The following SDK2 variants were observed in gnomAD, a reference collection of about 807,000 sequenced individuals.
The protein encoded by SDK2 is sidekick cell adhesion molecule 2, also known as protein sidekick-2.
A neutral mutation model predicts 253.9 loss-of-function variants in SDK2; 105 were observed. The ratio of observed to expected loss-of-function variants is 0.41; its 90% CI spans 0.35 to 0.49. SDK2 has a LOEUF of 0.49. Among genes scored for constraint, SDK2 ranks in the 20% least tolerant of loss-of-function variants. The pLI is 0.06. For missense variants in SDK2, 2,608 were observed against 3,003.0 expected (o/e 0.87, Z 3.07); for synonymous variants, 1,249 against 1,234.9 (o/e 1.01, Z -0.24).
chr17:73,538,364 C>T (rs971054426), intron 1 of SDK2, among the ~76,000 whole-genome samples: 1 of 152,100 alleles, frequency 6.6e-6, no homozygotes, highest in African/African-American at 2.4e-5. Context: ...CTCCCCTTAC[C>T]AGCTTTCCCT....
rs2063519810 is a variant in SDK2, at chr17:73,455,538, C to A, written c.479+368G>T. Among the ~76,000 whole-genome samples, 1 of 152,218 alleles carries A rather than the reference C, an allele frequency of 6.6e-6. No individual in the cohort carries two copies. Among genetic ancestry groups the A allele is most frequent in the African/African-American group, 2.4e-5 (1 of 41,446 alleles). ...CCGGCTGCCCAGGAGACGCCAGCCT[C>A]TCCAAGGTCCCCCAGCGCCACTGGC... On this transcript the variant is annotated intron_variant, in intron 4 of 44. Transcript: ENST00000392650. This position sits in a 1 kb window ranked among gnomAD's most constrained non-coding sequence, Gnocchi z 5.0.
chr17:73,400,312 C>T (rs1480511227), intron 21 of SDK2, among the ~76,000 whole-genome samples: 1 of 152,226 alleles, frequency 6.6e-6, no homozygotes, highest in Non-Finnish European at 1.5e-5. Context: ...CCCCACCGTG[C>T]TCTGCCACCT....
chr17:73,593,474 G>A (rs900590665), intron 1 of SDK2, among the ~76,000 whole-genome samples: 1 of 152,184 alleles, frequency 6.6e-6, no homozygotes, highest in Non-Finnish European at 1.5e-5. Flanking sequence ...CATGCGCTCT[G>A]GGCCCTGGGG....
intron 10 of SDK2, among the ~76,000 whole-genome samples, chr17:73,433,484 A>G (rs554703498): frequency 4.6e-5 from 7 of 152,232 alleles, no homozygotes; most frequent in African/African-American, 1.4e-4. Flanking sequence ...ACCGGGTTTC[A>G]CCACTTTGGG....
intron 15 of SDK2, 90 bp from the exon 16 acceptor site, chr17:73,419,396 ACT>A (rs2063209705): frequency 2.8e-6 from 4 of 1,428,348 alleles, no homozygotes; most frequent in Non-Finnish European, 3.8e-6. Context: ...GCCTGCTCTG[ACT>A]CTGGATAATT....
intron 44 of SDK2, among the ~76,000 whole-genome samples, chr17:73,348,344 C>G (rs922430211): frequency 6.6e-6 from 1 of 152,196 alleles, no homozygotes; most frequent in Non-Finnish European, 1.5e-5. Flanking sequence ...GACCCCTGAA[C>G]GTAGAGAGGG....
intron 44 of SDK2, among the ~76,000 whole-genome samples, chr17:73,344,573 T>C (rs879675568): frequency 1.3e-5 from 2 of 152,232 alleles, no homozygotes; most frequent in African/African-American, 2.4e-5. Context: ...ATGGGGATAG[T>C]TTCACTTGCA....
chr17:73,469,940 C>A (rs1206640172), intron 3 of SDK2, among the ~76,000 whole-genome samples: 1 of 151,878 alleles, frequency 6.6e-6, no homozygotes, highest in African/African-American at 2.4e-5. Context: ...ACTCCCACCC[C>A]ACAGCCTGGA....
At chr17:73,472,892 C>T (rs1414487451) in intron 2 of SDK2, among the ~76,000 whole-genome samples, 1 of 152,168 alleles carries the variant, frequency 6.6e-6, no homozygotes, top group African/African-American at 2.4e-5. Context: ...CTCTCTTTGC[C>T]TTCTGCCATC....
At chr17:73,349,197 T>TGCTGGGCCTG (rs1259329340) in intron 43 of SDK2, among the ~76,000 whole-genome samples, 1 of 152,110 alleles carries the variant, frequency 6.6e-6, no homozygotes, top group Non-Finnish European at 1.5e-5. Context: ...GCTATGGCCA[T>TGCTGGGCCTG]GCTGGGCCTG....
At chr17:73,630,878 G>A (rs777882294) in intron 1 of SDK2, among the ~76,000 whole-genome samples, 2 of 151,572 alleles carry the variant, frequency 1.3e-5, no homozygotes, top group South Asian at 2.1e-4. Context: ...TCAGCACACC[G>A]CCCCTCCCTG....
intron 44 of SDK2, among the ~76,000 whole-genome samples, chr17:73,347,321 CTG>C (rs1447507840): frequency 6.6e-6 from 1 of 152,204 alleles, no homozygotes; most frequent in African/African-American, 2.4e-5. Flanking sequence ...GATTGCGCCA[CTG>C]CACTCCAGAG....
At position 73,423,776 on chromosome 17, in the gene SDK2, G is replaced by C. The variant is rs530996819; in HGVS notation, c.1760+140C>G. The stretch of plus-strand genomic sequence containing the variant: ...GAGAGAAAGGCCTGGAAGGATGCTG[G>C]GGGTATGTCCTGAGCAAAGCTGAAC... On this transcript the variant is annotated intron_variant, in intron 13 of 44. Coordinates refer to ENST00000392650, the MANE Select transcript of SDK2 (RefSeq NM_001144952.2). 20 of 790,248 alleles carry C rather than the reference G, an allele frequency of 2.5e-5. No homozygotes were observed. In the African/African-American group the frequency reaches 3.3e-4, roughly 13 times the overall value. 49.0% of individuals were successfully genotyped at this position (790,248 alleles called of 1,614,324 possible).
intron 1 of SDK2, among the ~76,000 whole-genome samples, chr17:73,597,810 T>G (rs149693398): frequency 0.015 from 2,240 of 151,954 alleles, 20 homozygotes; most frequent in Middle Eastern, 0.058. Context: ...CACGCCCGGG[T>G]AATTTTTTGT....
Position 73,431,395 on chromosome 17 carries a change from C to T in SDK2, c.1480+107G>A. The T allele has an allele frequency of 9.1e-7, 1 of 1,093,638 alleles. No individual in the cohort carries two copies. Among genetic ancestry groups the T allele is most frequent in the Non-Finnish European group, 1.3e-6 (1 of 774,238 alleles). 67.7% of individuals were successfully genotyped at this position (1,093,638 alleles called of 1,614,324 possible). A position where few individuals can be genotyped will look rare whatever the true frequency, so the allele number is the denominator to read the frequency against. The stretch of plus-strand genomic sequence containing the variant: ...GGGACAGACACTGGGGATGGAGACA[C>T]TGGTGGTATGAGCCTGTGCCCCGTA... On this transcript the variant is annotated intron_variant, in intron 11 of 44. Coordinates refer to ENST00000392650, the MANE Select transcript of SDK2 (RefSeq NM_001144952.2). The surrounding 1 kb of genome is among the most constrained non-coding windows in gnomAD (Gnocchi z 5.6).
At position 73,531,290 on chromosome 17, in the gene SDK2, G is replaced by A. The variant is rs77814525; in HGVS notation, c.65-23693C>T. On this transcript the variant is annotated intron_variant, in intron 1 of 44. Coordinates refer to ENST00000392650, the MANE Select transcript of SDK2 (RefSeq NM_001144952.2). ...CACAGCTGAGCTCTGGTCTCTGCAAGCTTGTAGAGGTACCGTAATTTTCTA... is the reference window on the plus strand; with the variant it reads ...CACAGCTGAGCTCTGGTCTCTGCAAACTTGTAGAGGTACCGTAATTTTCTA... Among the ~76,000 whole-genome samples, 498 of 152,274 alleles carry A rather than the reference G, an allele frequency of 3.3e-3. 32 individuals carry two copies. The East Asian group carries it at 0.083, about 25-fold the overall frequency.
chr17:73,372,148 C>T (rs952595070), intron 36 of SDK2, among the ~76,000 whole-genome samples: 1 of 152,178 alleles, frequency 6.6e-6, no homozygotes, highest in African/African-American at 2.4e-5. Flanking sequence ...CTTCACAAAC[C>T]AGGCACTCCG....
Position 73,358,090 on chromosome 17 carries a change from G to A in SDK2, c.5582C>T (p.Ala1861Val), listed in dbSNP as rs2062607590. 1.9e-6 allele frequency: 3 copies of A among 1,612,980 alleles called. No homozygotes were observed. Among genetic ancestry groups the A allele is most frequent in the Non-Finnish European group, 2.5e-6 (3 of 1,179,746 alleles). Reference sequence around the variant, plus strand: ...AGGGCGGGGCGCACCTGAAGGTCTGGCCTCGATGACGTAGCGGGTGATGGG... The same window carrying A: ...AGGGCGGGGCGCACCTGAAGGTCTGACCTCGATGACGTAGCGGGTGATGGG... ...KGPITRYVIE[A>V]RPSDEGLWDI... is the part of the protein sequence containing the mutation. The change falls in exon 40 of 45, where the codon GCC becomes GTC. Residue 1861 changes from alanine to valine, a missense_variant. Coordinates refer to ENST00000392650, the MANE Select transcript of SDK2 (RefSeq NM_001144952.2).
At chr17:73,367,435 G>A (rs1340409228) in intron 37 of SDK2, among the ~76,000 whole-genome samples, 8 of 151,870 alleles carry the variant, frequency 5.3e-5, no homozygotes, top group Non-Finnish European at 1.0e-4. Context: ...TAGCACCTGC[G>A]GTTCCCTCTG....
Sources: allele counts gnomAD v4.1 joint callset (sites outside exome capture counted in the v4.1 genomes callset), GRCh38; gene constraint gnomAD v4.1.1; non-coding constraint Gnocchi (gnomAD v3.1); transcripts MANE v1.5; gene names NCBI Gene and HGNC (gene_info 2026-07-23, HGNC 2026-07-21).